The following KSR2 variants were observed in gnomAD, a reference collection of about 807,000 sequenced individuals.
The protein encoded by KSR2 is kinase suppressor of ras 2.
A neutral mutation model predicts 107.8 loss-of-function variants in KSR2; 25 were observed. The ratio of observed to expected loss-of-function variants is 0.23; its 90% CI spans 0.17 to 0.32. The LOEUF (loss-of-function observed/expected upper bound fraction) is 0.32. Ranked by LOEUF, KSR2 falls within the 10% of genes least tolerant of loss-of-function variation. KSR2 has a pLI of 1.00. For missense variants in KSR2, 887 were observed against 1,268.9 expected, an observed-to-expected ratio of 0.70 and a Z score of 4.57; for synonymous variants, 480 against 507.0, an observed-to-expected ratio of 0.95 and a Z score of 0.71.
intron 1 of KSR2, among the ~76,000 whole-genome samples, chr12:117,866,041 T>TATTTA (rs780167141): frequency 5.1e-4 from 57 of 112,330 alleles, no homozygotes; most frequent in Non-Finnish European, 5.9e-4. Flanking sequence ...TCTCTCTCTT[T>TATTTA]TTTTTTTTTT....
chr12:117,962,601 T>C (rs1286926660), intron 1 of KSR2, among the ~76,000 whole-genome samples: 1 of 151,674 alleles, frequency 6.6e-6, no homozygotes, highest in Non-Finnish European at 1.5e-5. Context: ...CCCGCTGCCA[T>C]GCCCCACTAA....
At chr12:117,877,937 G>A (rs1893911470) in intron 1 of KSR2, among the ~76,000 whole-genome samples, 1 of 152,196 alleles carries the variant, frequency 6.6e-6, no homozygotes, top group Admixed American at 6.5e-5. Context: ...CAGAACCACT[G>A]CATGGGGCTT....
chr12:117,931,116 C>T (rs765254131), intron 1 of KSR2, among the ~76,000 whole-genome samples: 4 of 151,992 alleles, frequency 2.6e-5, no homozygotes, highest in Non-Finnish European at 5.9e-5. Context: ...GGCTGTGTCT[C>T]CCACAGACAT....
chr12:117,732,532 C>T (rs748341235), intron 4 of KSR2, among the ~76,000 whole-genome samples: 2 of 152,032 alleles, frequency 1.3e-5, no homozygotes, highest in Non-Finnish European at 2.9e-5. Context: ...TCAAGTGATC[C>T]GTCCACCTCG....
At position 117,840,100 on chromosome 12, in the gene KSR2, A is replaced by ATT. The variant is rs60718801; in HGVS notation, c.472+15326_472+15327dup. ...ATTTTATTTTATTTTACTTTATTTT[A>ATT]TTTTATTTTTTTTTTTGAGATGGAG... is the stretch of plus-strand genomic sequence containing the variant. On this transcript the variant is annotated intron_variant, in intron 3 of 19. Transcript: ENST00000339824. Among the ~76,000 whole-genome samples the ATT allele has an allele frequency of 1.5e-3, 203 of 133,112 alleles. 4 individuals carry two copies. The highest frequency in any genetic ancestry group is 4.1e-3 in the African/African-American group (142 of 34,932). 87.3% of individuals were successfully genotyped at this position (133,112 alleles called of 152,430 possible). A position where few individuals can be genotyped will look rare whatever the true frequency, so the allele number is the denominator to read the frequency against.
At chr12:117,816,657 G>C (rs564655298) in intron 3 of KSR2, among the ~76,000 whole-genome samples, 1 of 152,094 alleles carries the variant, frequency 6.6e-6, no homozygotes, top group Admixed American at 6.6e-5. Flanking sequence ...CTAGAAACCC[G>C]TGTCATCCTT....
chr12:117,519,810 G>C (rs893031049), intron 14 of KSR2, among the ~76,000 whole-genome samples: 3 of 152,030 alleles, frequency 2.0e-5, no homozygotes, highest in African/African-American at 7.3e-5. Context: ...GTGTGTGTGT[G>C]CATGGTTGTG....
At chr12:117,875,974 C>A (rs1333990825) in intron 1 of KSR2, among the ~76,000 whole-genome samples, 1 of 152,178 alleles carries the variant, frequency 6.6e-6, no homozygotes, top group Non-Finnish European at 1.5e-5. Flanking sequence ...ATACATTTTT[C>A]TTGGTCTTTC....
chr12:117,601,305 G>C (rs910611634), intron 5 of KSR2, among the ~76,000 whole-genome samples: 2 of 147,912 alleles, frequency 1.4e-5, no homozygotes, highest in Non-Finnish European at 3.0e-5. Context: ...TGGGGGGGGG[G>C]GTACCTAATT....
At chr12:117,637,969 C>A (rs1275012864) in intron 5 of KSR2, among the ~76,000 whole-genome samples, 3 of 152,056 alleles carry the variant, frequency 2.0e-5, no homozygotes, top group Non-Finnish European at 4.4e-5. Flanking sequence ...TGTCTTTCAA[C>A]AGAGGAATGC....
chr12:117,683,071 G>A (rs1885436489), intron 4 of KSR2, among the ~76,000 whole-genome samples: 1 of 152,206 alleles, frequency 6.6e-6, no homozygotes, highest in South Asian at 2.1e-4. Context: ...AGGGGCAGTT[G>A]GCAGGTGAGG....
chr12:117,761,035 C>T lies in KSR2; in HGVS notation c.962G>A (p.Arg321His), dbSNP rs564650961. 5.6e-6 allele frequency: 9 copies of T among 1,613,712 alleles called. No homozygotes were observed. Among genetic ancestry groups the T allele is most frequent in the East Asian group, 4.5e-5 (2 of 44,866 alleles). The change falls in exon 4 of 20, where the codon CGC becomes CAC. Residue 321 changes from arginine to histidine, a missense_variant. By Grantham distance (29) the Arg-to-His change is conservative. This residue lies in a region of KSR2 where 399 missense variants were observed against 479.5 expected (regional missense o/e 0.83). Coordinates refer to ENST00000339824, the MANE Select transcript of KSR2 (RefSeq NM_173598.6). ...SKSHEFQLGH[R>H]VDEAHTPKAK... The stretch of plus-strand genomic sequence containing the variant: ...CTTGGGCGTGTGGGCCTCGTCCACG[C>T]GGTGCCCCAGCTGGAACTCGTGGGA...
Position 117,471,406 on chromosome 12 carries a change from C to T in KSR2, c.2583-86G>A, listed in dbSNP as rs146900867. The T allele has an allele frequency of 3.3e-5, 48 of 1,447,386 alleles. No homozygotes were observed. The African/African-American group carries it at 5.9e-4, about 18-fold the overall frequency. The allele number at this position is 1,447,386 out of a possible 1,614,324, so 89.7% of individuals were successfully genotyped here. On this transcript the variant is annotated intron_variant, in intron 17 of 19. Transcript: ENST00000339824. ...CCATTATTAGCACACACCCACCCAG[C>T]CAGTCTCCTGGCACCCATTCTTCTC...
intron 3 of KSR2, among the ~76,000 whole-genome samples, chr12:117,828,187 G>C (rs1260979263): frequency 6.6e-6 from 1 of 152,148 alleles, no homozygotes; most frequent in Non-Finnish European, 1.5e-5. Flanking sequence ...GGCCTACCCA[G>C]TGTCCGGTAT....
chr12:117,688,060 C>A (rs1252340021), intron 4 of KSR2, among the ~76,000 whole-genome samples: 2 of 146,760 alleles, frequency 1.4e-5, no homozygotes, highest in African/African-American at 2.5e-5. Flanking sequence ...TATTCTGAAA[C>A]CTTTAAAGCT....
At position 117,458,640 on chromosome 12, in the gene KSR2, G is replaced by C. The variant is rs968585650; in HGVS notation, c.*8559C>G. The C allele has an allele frequency of 2.0e-5, 3 of 152,016 alleles. No homozygotes were observed. The highest frequency in any genetic ancestry group is 3.2e-3 in the Middle Eastern group (1 of 316). 9.4% of individuals were successfully genotyped at this position (152,016 alleles called of 1,614,324 possible). A position where few individuals can be genotyped will look rare whatever the true frequency, so the allele number is the denominator to read the frequency against. On this transcript the variant is annotated 3_prime_UTR_variant, in exon 20 of 20. Coordinates refer to ENST00000339824, the MANE Select transcript of KSR2 (RefSeq NM_173598.6). Reference sequence around the variant, plus strand: ...TTTACAATACAGGGGAGATATTATCGGGCAGAAGTTGGATGGGGGATAAGT... The same window carrying C: ...TTTACAATACAGGGGAGATATTATCCGGCAGAAGTTGGATGGGGGATAAGT...
At chr12:117,931,280 C>T (rs984861158) in intron 1 of KSR2, among the ~76,000 whole-genome samples, 4 of 152,148 alleles carry the variant, frequency 2.6e-5, no homozygotes, top group African/African-American at 9.7e-5. Context: ...AGGCAGCCAT[C>T]GAATACTTCT....
At chr12:117,597,058 C>T (rs76903113) in intron 5 of KSR2, among the ~76,000 whole-genome samples, 8,751 of 152,122 alleles carry the variant, frequency 0.058, 767 homozygotes, top group African/African-American at 0.19. Flanking sequence ...TCCTACGTAT[C>T]TCCCGTGCAA....
At chr12:117,740,097 G>A (rs553232123) in intron 4 of KSR2, among the ~76,000 whole-genome samples, 3 of 137,920 alleles carry the variant, frequency 2.2e-5, no homozygotes, top group South Asian at 4.8e-4. Flanking sequence ...CTTCCTTCCC[G>A]AGTCCCAAAA....
Sources: gnomAD v4.1 joint callset for allele counts (sites outside exome capture counted in the v4.1 genomes callset) on GRCh38, gnomAD v4.1.1 for gene constraint, gnomAD v4.1.1 regional missense constraint, MANE v1.5 for transcripts, NCBI Gene and HGNC (gene_info 2026-07-23, HGNC 2026-07-21) for gene names.